Variants in GOLGA1 observed in about 807,000 individuals in gnomAD.
GOLGA1 encodes the protein golgin A1, also known as golgin subfamily A member 1.
GOLGA1 carries 63 observed loss-of-function variants against 119.7 expected under a neutral mutation model. That is an observed-to-expected ratio of 0.53 (90% CI 0.43 to 0.65). The LOEUF is 0.65. Among genes scored for constraint, GOLGA1 ranks in the 30% least tolerant of loss-of-function variants. GOLGA1 has a pLI of 0.00. For missense variants in GOLGA1, 798 were observed against 912.8 expected (o/e 0.87, Z 1.62); for synonymous variants, 318 against 333.4 (o/e 0.95, Z 0.50).
Position 124,879,609 on chromosome 9 carries a change from C to G in GOLGA1, c.*921G>C, listed in dbSNP as rs978104872. Reference sequence around the variant, plus strand: ...CAGCACAGAATCAAGACAAAGCACACGAGATCCCACTGCACTTCAGAGGGA... The same window carrying G: ...CAGCACAGAATCAAGACAAAGCACAGGAGATCCCACTGCACTTCAGAGGGA... On this transcript the variant is annotated 3_prime_UTR_variant, in exon 23 of 23. Coordinates refer to ENST00000373555, the MANE Select transcript of GOLGA1 (RefSeq NM_002077.4). 6.6e-6 allele frequency: 1 copy of G among 151,154 alleles called. No homozygotes were observed. The highest frequency in any genetic ancestry group is 1.5e-5 in the Non-Finnish European group (1 of 67,880). The allele number at this position is 151,154 out of a possible 1,614,324, so 9.4% of individuals were successfully genotyped here. A position where few individuals can be genotyped will look rare whatever the true frequency, so the allele number is the denominator to read the frequency against.
Position 124,939,550 on chromosome 9 carries a change from CTTTTTTTTTTT to C in GOLGA1, c.-156+545_-156+555del, listed in dbSNP as rs3051147. ...TCCAATGAGTTTATTTTCTTTCTTT[CTTTTTTTTTTT>C]TTTTTTTTTTTTTTTTTTGAGATGG... On this transcript the variant is annotated intron_variant, in intron 2 of 22. Coordinates refer to ENST00000373555, the MANE Select transcript of GOLGA1 (RefSeq NM_002077.4). Among the ~76,000 whole-genome samples the C allele has an allele frequency of 2.4e-4, 20 of 81,846 alleles. No individual in the cohort carries two copies. The East Asian group carries it at 4.8e-3, about 20-fold the overall frequency. The allele number at this position is 81,846 out of a possible 152,430, so 53.7% of individuals were successfully genotyped here.
intron 12 of GOLGA1, among the ~76,000 whole-genome samples, chr9:124,901,505 G>C (rs1436282242): frequency 2.0e-5 from 3 of 150,570 alleles, no homozygotes; most frequent in Non-Finnish European, 4.4e-5. Context: ...TGCAATCTTG[G>C]CTCACTGTAA....
At chr9:124,928,025 T>C (rs1283711667) in intron 6 of GOLGA1, among the ~76,000 whole-genome samples, 163 bp downstream of exon 6, 1 of 152,258 alleles carries the variant, frequency 6.6e-6, no homozygotes, top group Non-Finnish European at 1.5e-5. Flanking sequence ...CTGTAAAGTT[T>C]CTTCACTTTA....
chr9:124,923,370 C>T (rs1374168282), intron 7 of GOLGA1, 147 bp from the exon 8 acceptor site: 1 of 615,930 alleles, frequency 1.6e-6, no homozygotes, highest in Non-Finnish European at 2.8e-6. Flanking sequence ...CTCCTGGGCT[C>T]ATGCAATCCT....
chr9:124,901,427 C>G (rs561114658), intron 12 of GOLGA1, among the ~76,000 whole-genome samples: 1 of 148,704 alleles, frequency 6.7e-6, no homozygotes, highest in Non-Finnish European at 1.5e-5. Context: ...CACGCCACCA[C>G]GCCCAGCTAT....
In GOLGA1 at chr9:124,899,860, A is replaced by G. The variant is rs569445054; in HGVS notation, c.1162-382T>C. Among the ~76,000 whole-genome samples the G allele has an allele frequency of 6.6e-5, 10 of 152,314 alleles. No individual in the cohort carries two copies. The South Asian group carries it at 2.1e-3, about 32-fold the overall frequency. ...AGAACAGGGCTTTGACAGGAGAAAG[A>G]TGTGGATTCTGCCATTTACTGGCTG... On this transcript the variant is annotated intron_variant, in intron 13 of 22. Transcript: ENST00000373555.
At chr9:124,902,975 G>T (rs914628204) in intron 12 of GOLGA1, among the ~76,000 whole-genome samples, 1 of 152,158 alleles carries the variant, frequency 6.6e-6, no homozygotes, top group African/African-American at 2.4e-5. Context: ...CCTGAGATCA[G>T]AAAATACCTA....
chr9:124,923,647 C>T (rs1010227784), intron 7 of GOLGA1, among the ~76,000 whole-genome samples: 2 of 151,192 alleles, frequency 1.3e-5, no homozygotes, highest in East Asian at 1.9e-4. Context: ...GCAACAATTA[C>T]GTAGAACTTT....
At chr9:124,901,793 T>C (rs1830111153) in intron 12 of GOLGA1, among the ~76,000 whole-genome samples, 1 of 152,172 alleles carries the variant, frequency 6.6e-6, no homozygotes, top group Non-Finnish European at 1.5e-5. Flanking sequence ...GGACACACAG[T>C]ATTTTTTTAA....
intron 15 of GOLGA1, among the ~76,000 whole-genome samples, chr9:124,894,650 T>G (rs192128766): frequency 1.8e-3 from 270 of 152,236 alleles, no homozygotes; most frequent in Admixed American, 5.6e-3. Context: ...AATCCACTCT[T>G]GACATACCTC....
At chr9:124,940,327 C>A (rs559636839) in intron 1 of GOLGA1, among the ~76,000 whole-genome samples, 172 bp from the exon 2 acceptor site, 2 of 152,194 alleles carry the variant, frequency 1.3e-5, no homozygotes, top group Non-Finnish European at 2.9e-5. Context: ...TAACCCTGAT[C>A]TCCTATGAAA....
chr9:124,882,413 G>C, intron 20 of GOLGA1, 97 bp downstream of exon 20: 1 of 838,692 alleles, frequency 1.2e-6, no homozygotes, highest in Non-Finnish European at 2.0e-6. Context: ...AGGGGGTGGA[G>C]GGAGCATAGT....
chr9:124,909,755 T>C (rs376612853), intron 11 of GOLGA1, among the ~76,000 whole-genome samples: 5 of 151,950 alleles, frequency 3.3e-5, no homozygotes, highest in African/African-American at 1.2e-4. Context: ...CAGAGATATA[T>C]ACTTTATTTA....
At chr9:124,910,059 A>G (rs944206026) in intron 11 of GOLGA1, among the ~76,000 whole-genome samples, 5 of 152,116 alleles carry the variant, frequency 3.3e-5, no homozygotes, top group Admixed American at 2.0e-4. Context: ...CCTCCGGAGT[A>G]GCTTGGGACT....
chr9:124,921,137 A>G lies in GOLGA1; in HGVS notation c.835T>C (p.Leu279=). 6.3e-7 allele frequency: 1 copy of G among 1,589,762 alleles called. No individual in the cohort carries two copies. The highest frequency in any genetic ancestry group is 1.1e-5 in the South Asian group (1 of 90,580). The part of the protein sequence containing the change: ...QALIQQLSID[L]QKVTAETQEK... Reference sequence around the variant, plus strand: ...CCTCATATTCTACTTACCTTTTGCAAATCAATGGAAAGCTGCTGAATGAGT... The same window carrying G: ...CCTCATATTCTACTTACCTTTTGCAGATCAATGGAAAGCTGCTGAATGAGT... Residue 279 remains leucine (L), a synonymous_variant, in exon 10 of 23, where the codon TTG becomes CTG. Coordinates refer to ENST00000373555, the MANE Select transcript of GOLGA1 (RefSeq NM_002077.4).
rs113916263 is a variant in GOLGA1 at position 124,893,947 on chromosome 9, C to A, written c.1408-3469G>T. Among the ~76,000 whole-genome samples the A allele has an allele frequency of 2.0e-3, 304 of 152,278 alleles. 2 individuals are homozygous for A. Among genetic ancestry groups the A allele is most frequent in the African/African-American group, 6.6e-3 (275 of 41,552 alleles). ...GAGCTGGTCTGAATTACCTAGTTTG[C>A]CTTTACTGCAAGTGGAAGCATCTCT... On this transcript the variant is annotated intron_variant, in intron 15 of 22. Coordinates refer to ENST00000373555, the MANE Select transcript of GOLGA1 (RefSeq NM_002077.4).
rs1829596727 is a variant in GOLGA1, at chr9:124,881,982, A to G, written c.1966-28T>C. The G allele has an allele frequency of 6.4e-6, 10 of 1,556,590 alleles. No individual in the cohort carries two copies. Among genetic ancestry groups the G allele is most frequent in the East Asian group, 4.5e-5 (2 of 44,246 alleles). On this transcript the variant is annotated intron_variant, in intron 20 of 22. Transcript: ENST00000373555. This position sits in a 1 kb window ranked among gnomAD's most constrained non-coding sequence, Gnocchi z 4.9. ...GAAAAACCAGTGGGAAAGATGCTAC[A>G]CCGAACCCTCTGAGACAGGTGGAAA... is the stretch of plus-strand genomic sequence containing the variant.
At chr9:124,920,064 G>A (rs1343092387) in intron 10 of GOLGA1, among the ~76,000 whole-genome samples, 1 of 151,798 alleles carries the variant, frequency 6.6e-6, no homozygotes, top group East Asian at 1.9e-4. Flanking sequence ...AGGTTTAACC[G>A]AATCTCCTGC....
intron 3 of GOLGA1, among the ~76,000 whole-genome samples, chr9:124,937,135 A>C (rs1830889032): frequency 6.6e-6 from 1 of 152,132 alleles, no homozygotes; most frequent in South Asian, 2.1e-4. Context: ...TTTTATATAT[A>C]TATCCAGCAT....
Sources: gnomAD v4.1 joint callset for allele counts (sites outside exome capture counted in the v4.1 genomes callset) on GRCh38, gnomAD v4.1.1 for gene constraint, Gnocchi (gnomAD v3.1) non-coding constraint, MANE v1.5 for transcripts, NCBI Gene and HGNC (gene_info 2026-07-23, HGNC 2026-07-21) for gene names.